Variants in MAP2K5 observed in about 807,000 individuals in gnomAD.
The protein encoded by MAP2K5 is dual specificity mitogen-activated protein kinase kinase 5.
A neutral mutation model predicts 83.1 loss-of-function variants in MAP2K5; 49 were observed. The ratio of observed to expected loss-of-function variants is 0.59; its 90% CI spans 0.47 to 0.75. The LOEUF (loss-of-function observed/expected upper bound fraction) is 0.75. Among genes scored for constraint, MAP2K5 ranks in the 30% least tolerant of loss-of-function variants. MAP2K5 has a pLI of 0.00. For missense variants in MAP2K5, 457 were observed against 557.5 expected (o/e 0.82, Z 1.82); for synonymous variants, 202 against 191.8 (o/e 1.05, Z -0.44).
intron 1 of MAP2K5, among the ~76,000 whole-genome samples, chr15:67,546,967 G>C (rs1319586211): frequency 6.6e-6 from 1 of 152,112 alleles, no homozygotes; most frequent in Non-Finnish European, 1.5e-5. Flanking sequence ...TAGGGAGGCT[G>C]AGGTGGGAGA....
chr15:67,645,375 G>A (rs1288849402), intron 9 of MAP2K5, among the ~76,000 whole-genome samples: 1 of 151,804 alleles, frequency 6.6e-6, no homozygotes, highest in Non-Finnish European at 1.5e-5. Flanking sequence ...CTACTTGGGT[G>A]GCTGAGGTGG....
chr15:67,705,240 A>G (rs1343603905), intron 16 of MAP2K5, among the ~76,000 whole-genome samples: 1 of 152,190 alleles, frequency 6.6e-6, no homozygotes, highest in Non-Finnish European at 1.5e-5. Context: ...TCCTTTCTAC[A>G]TTCATTTATG....
chr15:67,606,562 C>A (rs529018909), intron 8 of MAP2K5, among the ~76,000 whole-genome samples: 1 of 152,254 alleles, frequency 6.6e-6, no homozygotes, highest in South Asian at 2.1e-4. Flanking sequence ...CTTTCTGTTG[C>A]CTTATCTAAA....
Position 67,794,200 on chromosome 15 carries a change from T to C in MAP2K5, c.1243-12446T>C, listed in dbSNP as rs2090565685. ...CAGTCACCACCATCAAAAACGCATT[T>C]CAGGCTTCTGTACATTTAATTTTCT... On this transcript the variant is annotated intron_variant, in intron 21 of 21. Transcript: ENST00000178640. This position sits in a 1 kb window ranked among gnomAD's most constrained non-coding sequence, Gnocchi z 4.6. 6.6e-6 allele frequency among the ~76,000 whole-genome samples: 1 copy of C among 152,214 alleles called. No homozygotes were observed.
At chr15:67,548,383 G>A (rs2084439883) in intron 1 of MAP2K5, among the ~76,000 whole-genome samples, 1 of 152,198 alleles carries the variant, frequency 6.6e-6, no homozygotes, top group African/African-American at 2.4e-5. Context: ...ATCCTCCACT[G>A]ATTGTAGGGT....
intron 16 of MAP2K5, among the ~76,000 whole-genome samples, chr15:67,723,358 A>C (rs192083022): frequency 3.9e-5 from 6 of 152,362 alleles, no homozygotes; most frequent in Non-Finnish European, 5.9e-5. Flanking sequence ...AGAGCATTTT[A>C]TAGATTGTGG....
At chr15:67,653,961 G>A (rs2087010855) in intron 11 of MAP2K5, among the ~76,000 whole-genome samples, 1 of 152,060 alleles carries the variant, frequency 6.6e-6, no homozygotes, top group Admixed American at 6.6e-5. Flanking sequence ...ATTTAGGTAT[G>A]TGCTGTTTAA....
At position 67,800,673 on chromosome 15, in the gene MAP2K5, C is replaced by T. The variant is rs928810752; in HGVS notation, c.1243-5973C>T. Reference sequence around the variant, plus strand: ...GGTACTCAAACCTTATGGGAACTGACACCATCAGAAACTCAGAGCCATGGA... The same window carrying T: ...GGTACTCAAACCTTATGGGAACTGATACCATCAGAAACTCAGAGCCATGGA... On this transcript the variant is annotated intron_variant, in intron 21 of 21. Transcript: ENST00000178640. Among the ~76,000 whole-genome samples, 2 of 152,166 alleles carry T rather than the reference C, an allele frequency of 1.3e-5. 1 individual carries two copies. The highest frequency in any genetic ancestry group is 2.9e-5 in the Non-Finnish European group (2 of 68,020).
At chr15:67,615,243 C>T (rs1181532145) in intron 8 of MAP2K5, among the ~76,000 whole-genome samples, 5 of 152,150 alleles carry the variant, frequency 3.3e-5, no homozygotes, top group Non-Finnish European at 7.4e-5. Context: ...GGTAATCTGC[C>T]CGCATCGGCC....
intron 8 of MAP2K5, among the ~76,000 whole-genome samples, chr15:67,604,834 G>A (rs1457184596): frequency 6.6e-6 from 1 of 151,868 alleles, no homozygotes; most frequent in Non-Finnish European, 1.5e-5. Context: ...GGTGGAGGTT[G>A]CAGTGAGCCG....
intron 9 of MAP2K5, among the ~76,000 whole-genome samples, chr15:67,631,905 T>C (rs1305270887): frequency 6.6e-6 from 1 of 152,070 alleles, no homozygotes; most frequent in East Asian, 1.9e-4. Context: ...TGGTCAGGCT[T>C]GCCTTGCCCC....
chr15:67,777,772 G>C lies in MAP2K5; in HGVS notation c.1242+5020G>C, dbSNP rs925239292. On this transcript the variant is annotated intron_variant, in intron 21 of 21. Coordinates refer to ENST00000178640, the MANE Select transcript of MAP2K5 (RefSeq NM_145160.3). This position sits in a 1 kb window ranked among gnomAD's most constrained non-coding sequence, Gnocchi z 6.0. ...ACATGGGTTTTCTCCTTAGGTTCTA[G>C]TAATGCCTGTTATTTTGTGCATCTC... Among the ~76,000 whole-genome samples, 2 of 152,182 alleles carry C rather than the reference G, an allele frequency of 1.3e-5. No individual in the cohort carries two copies. The highest frequency in any genetic ancestry group is 4.8e-5 in the African/African-American group (2 of 41,436).
chr15:67,567,577 GA>G (rs2084867073), intron 3 of MAP2K5, among the ~76,000 whole-genome samples: 1 of 151,612 alleles, frequency 6.6e-6, no homozygotes. Flanking sequence ...TGTTAGCCGG[GA>G]TGGTCTCGAT....
intron 14 of MAP2K5, 125 bp downstream of exon 14, chr15:67,692,677 A>C (rs1309989485): frequency 1.5e-6 from 1 of 660,840 alleles, no homozygotes; most frequent in Non-Finnish European, 2.7e-6. Context: ...TCTTTTCCTC[A>C]TCTGGGAGTG....
Position 67,722,404 on chromosome 15 carries a change from C to A in MAP2K5, c.1045-5512C>A, listed in dbSNP as rs142591586. ...CTAAATCCTCCACATTTAATTGAAACCCTACTTCAAGACGCTTTGTGTTTC... is the reference window on the plus strand; with the variant it reads ...CTAAATCCTCCACATTTAATTGAAAACCTACTTCAAGACGCTTTGTGTTTC... On this transcript the variant is annotated intron_variant, in intron 16 of 21. Transcript: ENST00000178640. This position sits in a 1 kb window ranked among gnomAD's most constrained non-coding sequence, Gnocchi z 4.2. 2.6e-3 allele frequency among the ~76,000 whole-genome samples: 389 copies of A among 151,050 alleles called. 2 individuals carry two copies. Among genetic ancestry groups the A allele is most frequent in the Middle Eastern group, 0.014 (4 of 294 alleles).
intron 19 of MAP2K5, among the ~76,000 whole-genome samples, chr15:67,761,302 C>G (rs1021254664): frequency 9.9e-5 from 15 of 152,124 alleles, no homozygotes; most frequent in Admixed American, 2.6e-4. Flanking sequence ...TAGTTTTAAA[C>G]TGGTGTAGTG....
At chr15:67,613,471 A>T (rs1238036549) in intron 8 of MAP2K5, among the ~76,000 whole-genome samples, 1 of 152,192 alleles carries the variant, frequency 6.6e-6, no homozygotes, top group African/African-American at 2.4e-5. Flanking sequence ...CTATTATCTC[A>T]TAAGCAAGAT....
intron 13 of MAP2K5, among the ~76,000 whole-genome samples, chr15:67,686,315 A>C (rs935609515): frequency 6.6e-6 from 1 of 152,120 alleles, no homozygotes; most frequent in African/African-American, 2.4e-5. Context: ...TTAAAGAAAA[A>C]TAATTACATG....
intron 13 of MAP2K5, among the ~76,000 whole-genome samples, chr15:67,666,341 G>A (rs1432991422): frequency 1.3e-5 from 2 of 152,240 alleles, no homozygotes; most frequent in East Asian, 3.9e-4. Context: ...ATGCTGATAA[G>A]TTGATGTACC....
Sources: gnomAD v4.1 joint callset for allele counts (sites outside exome capture counted in the v4.1 genomes callset) on GRCh38, gnomAD v4.1.1 for gene constraint, Gnocchi (gnomAD v3.1) non-coding constraint, MANE v1.5 for transcripts, NCBI Gene and HGNC (gene_info 2026-07-23, HGNC 2026-07-21) for gene names.